Variants in SOX6 observed in about 807,000 individuals in gnomAD.
SOX6 encodes SRY-box transcription factor 6.
In SOX6, 11 loss-of-function variants were observed where a neutral mutation model predicts 97.8. The observed-to-expected ratio is 0.11, with a 90% CI of 0.07 to 0.19. The LOEUF is 0.19. Ranked by LOEUF, SOX6 falls within the 10% of genes least tolerant of loss-of-function variation. The pLI is 1.00. For missense variants in SOX6, 810 were observed against 1,039.5 expected (o/e 0.78, Z 3.04); for synonymous variants, 360 against 371.4 (o/e 0.97, Z 0.35).
Position 16,086,620 on chromosome 11 carries a change from C to T in SOX6, c.1101+9376G>A, listed in dbSNP as rs541697777. On this transcript the variant is annotated intron_variant, in intron 9 of 15. Coordinates refer to ENST00000683767, the MANE Select transcript of SOX6 (RefSeq NM_001367873.1). ...ACTAGGGATGGGCAAGGATAGAGCT[C>T]CCCAGCTACTCCAGGAGACTCATCA... is the stretch of plus-strand genomic sequence containing the variant. 3.9e-5 allele frequency among the ~76,000 whole-genome samples: 6 copies of T among 152,194 alleles called. No homozygotes were observed. In the South Asian group the frequency reaches 1.0e-3, roughly 26 times the overall value.
chr11:16,249,617 C>T (rs910868018), intron 3 of SOX6, among the ~76,000 whole-genome samples: 3 of 152,130 alleles, frequency 2.0e-5, no homozygotes, highest in African/African-American at 7.2e-5. Flanking sequence ...TGTAGCAGCA[C>T]AAAATTCTAC....
At chr11:16,482,943 G>A (rs1860368897) in intron 4 of SOX6, among the ~76,000 whole-genome samples, 1 of 152,086 alleles carries the variant, frequency 6.6e-6, no homozygotes, top group African/African-American at 2.4e-5. Context: ...ATATCATTTG[G>A]TGCCACTGTC....
intron 1 of SOX6, among the ~76,000 whole-genome samples, chr11:16,377,097 G>A (rs1857663924): frequency 6.6e-6 from 1 of 151,798 alleles, no homozygotes; most frequent in Non-Finnish European, 1.5e-5. Context: ...TCCCAACAAG[G>A]AGGATTTCAA....
chr11:16,635,636 T>C (rs1848774210), intron 3 of SOX6, among the ~76,000 whole-genome samples: 3 of 152,152 alleles, frequency 2.0e-5, no homozygotes, highest in Admixed American at 1.3e-4. Context: ...CAAATGCTAA[T>C]CACCAAGACA....
rs564883130 is a variant in SOX6, at chr11:16,541,346, TA to T, written n.610-64959del. ...TCAAGATGGATTAAAGACTTAAATGTAAGACATAAAACCATAAAAACCCTAG... is the reference window on the plus strand; with the variant it reads ...TCAAGATGGATTAAAGACTTAAATGTAGACATAAAACCATAAAAACCCTAG... On this transcript the variant is annotated intron_variant and non_coding_transcript_variant, in intron 4 of 5. Transcript: ENST00000524520. 7.7e-3 allele frequency among the ~76,000 whole-genome samples: 1,168 copies of T among 150,832 alleles called. 16 individuals carry two copies. The highest frequency in any genetic ancestry group is 0.026 in the African/African-American group (1,052 of 41,216).
intron 6 of SOX6, among the ~76,000 whole-genome samples, chr11:16,156,095 C>A (rs1850589597): frequency 6.6e-6 from 1 of 152,014 alleles, no homozygotes; most frequent in African/African-American, 2.4e-5. Flanking sequence ...GAGCATGTCA[C>A]TTTGCCTTCT....
intron 5 of SOX6, 27 bp downstream of exon 5, chr11:16,186,748 ATCTCCAGT>A: frequency 6.2e-7 from 1 of 1,610,138 alleles, no homozygotes; most frequent in Non-Finnish European, 8.5e-7. Context: ...CACATTCCAC[ATCTCCAGT>A]TCGTCAGTGC....
At chr11:16,558,813 A>G (rs1310933233) in intron 4 of SOX6, among the ~76,000 whole-genome samples, 1 of 152,082 alleles carries the variant, frequency 6.6e-6, no homozygotes, top group African/African-American at 2.4e-5. Flanking sequence ...CAATTTAAAA[A>G]AATAAGAATT....
intron 9 of SOX6, among the ~76,000 whole-genome samples, chr11:16,090,551 CT>C (rs1278945096): frequency 1.3e-5 from 2 of 151,850 alleles, no homozygotes; most frequent in African/African-American, 4.8e-5. Context: ...GATACCTGCA[CT>C]TTTTCTTAAG....
Position 15,968,965 on chromosome 11 carries a change from T to C in SOX6, c.*3844A>G, listed in dbSNP as rs1170422815. The C allele has an allele frequency of 6.6e-6, 1 of 152,222 alleles. No homozygotes were observed. The highest frequency in any genetic ancestry group is 2.4e-5 in the African/African-American group (1 of 41,452). 9.4% of individuals were successfully genotyped at this position (152,222 alleles called of 1,614,324 possible). On this transcript the variant is annotated 3_prime_UTR_variant, in exon 16 of 16. Transcript: ENST00000683767. ...ATATCTGCCAATGAAATAGAAAAGTTGTCAGCCTAGCGGCTCGTATCCGCA... is the reference window on the plus strand; with the variant it reads ...ATATCTGCCAATGAAATAGAAAAGTCGTCAGCCTAGCGGCTCGTATCCGCA...
chr11:16,260,277 G>T (rs1419401325), intron 3 of SOX6, among the ~76,000 whole-genome samples: 1 of 152,182 alleles, frequency 6.6e-6, no homozygotes, highest in East Asian at 1.9e-4. Flanking sequence ...TGGGATTACA[G>T]GCGTGAGCCA....
At chr11:16,444,357 C>G (rs1859571783) in intron 1 of SOX6, among the ~76,000 whole-genome samples, 1 of 152,152 alleles carries the variant, frequency 6.6e-6, no homozygotes, top group South Asian at 2.1e-4. Context: ...TATTATCTCC[C>G]TTAGGTCCAT....
chr11:16,713,579 T>G (rs895449537), intron 3 of SOX6, among the ~76,000 whole-genome samples: 3 of 152,182 alleles, frequency 2.0e-5, no homozygotes, highest in Admixed American at 2.0e-4. Context: ...ACTCTAAAAT[T>G]CATATGAGTA....
chr11:16,176,006 T>A (rs1043331168), intron 6 of SOX6, among the ~76,000 whole-genome samples: 1 of 151,672 alleles, frequency 6.6e-6, no homozygotes, highest in Non-Finnish European at 1.5e-5. Context: ...TTTTAACTCA[T>A]CATGAACTAT....
intron 14 of SOX6, among the ~76,000 whole-genome samples, chr11:15,986,921 T>C (rs1014732293): frequency 3.3e-5 from 5 of 152,192 alleles, no homozygotes; most frequent in African/African-American, 9.7e-5. Context: ...TGCACAAGTC[T>C]GCCATGGCCT....
In SOX6 at chr11:15,968,934, T is replaced by C. The variant is rs1196454042; in HGVS notation, c.*3875A>G. 6.6e-6 allele frequency: 1 copy of C among 152,194 alleles called. No homozygotes were observed. Among genetic ancestry groups the C allele is most frequent in the Non-Finnish European group, 1.5e-5 (1 of 68,036 alleles). 9.4% of individuals were successfully genotyped at this position (152,194 alleles called of 1,614,324 possible). A position where few individuals can be genotyped will look rare whatever the true frequency, so the allele number is the denominator to read the frequency against. On this transcript the variant is annotated 3_prime_UTR_variant, in exon 16 of 16. Coordinates refer to ENST00000683767, the MANE Select transcript of SOX6 (RefSeq NM_001367873.1). Reference sequence around the variant, plus strand: ...TTCCGTACCTTACTGGAAAAGACACTGCTTCATATCTGCCAATGAAATAGA... The same window carrying C: ...TTCCGTACCTTACTGGAAAAGACACCGCTTCATATCTGCCAATGAAATAGA...
At chr11:16,321,934 C>T (rs1855940616) in intron 2 of SOX6, among the ~76,000 whole-genome samples, 3 of 152,006 alleles carry the variant, frequency 2.0e-5, no homozygotes, top group African/African-American at 7.2e-5. Context: ...GTAAGCAATT[C>T]ATCTGAGTAA....
At chr11:16,331,572 C>G (rs1182742993) in intron 2 of SOX6, among the ~76,000 whole-genome samples, 3 of 152,282 alleles carry the variant, frequency 2.0e-5, no homozygotes, top group Admixed American at 1.3e-4. Context: ...CCAAGAAACT[C>G]TTTATAATTC....
At chr11:16,263,529 T>C (rs918839091) in intron 3 of SOX6, among the ~76,000 whole-genome samples, 69 of 151,944 alleles carry the variant, frequency 4.5e-4, no homozygotes, top group African/African-American at 1.6e-3. Context: ...GAAAGGATAA[T>C]CCATAGTACC....
Sources: gnomAD v4.1 joint callset for allele counts (sites outside exome capture counted in the v4.1 genomes callset) on GRCh38, gnomAD v4.1.1 for gene constraint, MANE v1.5 for transcripts, NCBI Gene and HGNC (gene_info 2026-07-23, HGNC 2026-07-21) for gene names.